The following TGIF1 variants were observed in gnomAD, a reference collection of about 807,000 sequenced individuals.
TGIF1 encodes the protein homeobox protein TGIF1.
TGIF1 carries 4 observed loss-of-function variants against 19.3 expected under a neutral mutation model. That is an observed-to-expected ratio of 0.21 (90% CI 0.10 to 0.47). The LOEUF (loss-of-function observed/expected upper bound fraction) is 0.47, where lower values mean the gene tolerates loss of function less well. TGIF1 is among the 20% of genes least tolerant of loss of function. TGIF1 has a pLI of 0.98. For missense variants in TGIF1, 275 were observed against 341.4 expected (o/e 0.81, Z 1.53); for synonymous variants, 122 against 129.3 (o/e 0.94, Z 0.38).
chr18:3,452,198 G>T, intron 1 of TGIF1: 1 of 1,606,914 alleles, frequency 6.2e-7, no homozygotes, highest in Non-Finnish European at 8.5e-7. Flanking sequence ...CCCCCTCTGC[G>T]CTCCTGGGGT....
chr18:3,427,602 CTT>C (rs60164860), intron 2 of TGIF1, among the ~76,000 whole-genome samples: 21 of 137,278 alleles, frequency 1.5e-4, no homozygotes, highest in Admixed American at 2.2e-4. Context: ...AGAATATATT[CTT>C]TTTTTTTTTT....
intron 1 of TGIF1, among the ~76,000 whole-genome samples, chr18:3,453,412 C>T (rs114055868): frequency 2.6e-3 from 398 of 152,132 alleles, no homozygotes; most frequent in African/African-American, 9.2e-3. Flanking sequence ...CAGGGCTGGG[C>T]GCGGTGGTTC....
rs950020581 is a variant in TGIF1, at chr18:3,450,613, C to G, written c.16+108C>G. On this transcript the variant is annotated intron_variant, in intron 1 of 2. Coordinates refer to ENST00000343820, the MANE Select transcript of TGIF1 (RefSeq NM_003244.4). ...TGGTGGACTTTTCCGCCCAGGGGCT[C>G]TCATGCTGGAGTGGCGGCCGTGCTC... The G allele has an allele frequency of 9.5e-5, 146 of 1,543,088 alleles. 1 individual carries two copies. Among genetic ancestry groups the G allele is most frequent in the Admixed American group, 3.1e-4 (16 of 50,868 alleles).
At chr18:3,452,294 C>T (rs2082987166) in intron 1 of TGIF1, 3 of 1,612,050 alleles carry the variant, frequency 1.9e-6, no homozygotes, top group Non-Finnish European at 2.5e-6. Flanking sequence ...CTGGGCCCCG[C>T]CGGCCGCATC....
Position 3,456,516 on chromosome 18 carries a change from A to G in TGIF1, c.179A>G (p.Asn60Ser). The G allele has an allele frequency of 1.2e-6, 2 of 1,614,242 alleles. No homozygotes were observed. The highest frequency in any genetic ancestry group is 8.5e-7 in the Non-Finnish European group (1 of 1,180,044). ...LRDWLYEHRYNAYPSEQEKAL... is the reference protein window; with the variant it reads ...LRDWLYEHRYSAYPSEQEKAL... ...GATTGGCTGTATGAGCACCGTTACA[A>G]TGCCTATCCTTCAGAGCAAGAAAAA... is the stretch of plus-strand genomic sequence containing the variant. The change falls in exon 2 of 3, where the codon AAT becomes AGT. Residue 60 changes from asparagine to serine, a missense_variant. Asn to Ser is a conservative substitution (Grantham distance 46, BLOSUM62 1). Transcript: ENST00000343820. The surrounding 1 kb of genome is among the most constrained non-coding windows in gnomAD (Gnocchi z 4.2).
chr18:3,440,759 A>G (rs905043621), intron 2 of TGIF1, among the ~76,000 whole-genome samples: 1 of 152,198 alleles, frequency 6.6e-6, no homozygotes, highest in Non-Finnish European at 1.5e-5. Flanking sequence ...CATAGTTACA[A>G]TGGACTATTA....
At chr18:3,423,076 G>A (rs959735387) in intron 2 of TGIF1, among the ~76,000 whole-genome samples, 10 of 152,124 alleles carry the variant, frequency 6.6e-5, no homozygotes, top group Admixed American at 1.3e-4. Context: ...ATCACCTGCA[G>A]TACTCATATG....
chr18:3,445,069 G>A (rs2082722351), intron 2 of TGIF1, among the ~76,000 whole-genome samples: 1 of 152,172 alleles, frequency 6.6e-6, no homozygotes, highest in Admixed American at 6.5e-5. Flanking sequence ...GCACAGGACA[G>A]CCCCACAAGA....
rs2049436592 is a variant in TGIF1, at chr18:3,458,550, C to G, written c.*610C>G. 6.5e-6 allele frequency: 1 copy of G among 154,592 alleles called. No homozygotes were observed. The highest frequency in any genetic ancestry group is 1.4e-5 in the Non-Finnish European group (1 of 69,814). The allele number at this position is 154,592 out of a possible 1,614,324, so 9.6% of individuals were successfully genotyped here. A position where few individuals can be genotyped will look rare whatever the true frequency, so the allele number is the denominator to read the frequency against. On this transcript the variant is annotated 3_prime_UTR_variant, in exon 3 of 3. Coordinates refer to ENST00000343820, the MANE Select transcript of TGIF1 (RefSeq NM_003244.4). ...CACCAGCTCTTTGAAAACCTGTGGA[C>G]AACAAGCCAGTTTGCATAAACAGGA...
At chr18:3,428,400 A>G (rs1268831903) in intron 2 of TGIF1, among the ~76,000 whole-genome samples, 3 of 152,108 alleles carry the variant, frequency 2.0e-5, no homozygotes, top group Non-Finnish European at 4.4e-5. Flanking sequence ...TTTCATGAAC[A>G]TCATTTTTAA....
chr18:3,426,474 A>C (rs1477118639), intron 2 of TGIF1, among the ~76,000 whole-genome samples: 1 of 152,054 alleles, frequency 6.6e-6, no homozygotes, highest in East Asian at 1.9e-4. Context: ...TGGCCCAGCT[A>C]GGGTCCACTT....
chr18:3,413,825 C>T (rs1274554258), intron 1 of TGIF1, among the ~76,000 whole-genome samples: 5 of 152,096 alleles, frequency 3.3e-5, no homozygotes, highest in African/African-American at 1.2e-4. Context: ...CAAATTCATT[C>T]TATGGCTGCC....
chr18:3,433,807 T>A (rs1046362028), intron 2 of TGIF1, among the ~76,000 whole-genome samples: 5 of 152,190 alleles, frequency 3.3e-5, no homozygotes, highest in Admixed American at 6.6e-5. Context: ...TGGATAGTCA[T>A]GATGGTTGCA....
chr18:3,451,440 G>A lies in TGIF1; in HGVS notation c.16+935G>A. The A allele has an allele frequency of 1.0e-6, 1 of 985,470 alleles. No homozygotes were observed. Among genetic ancestry groups the A allele is most frequent in the Non-Finnish European group, 1.2e-6 (1 of 829,944 alleles). The allele number at this position is 985,470 out of a possible 1,614,324, so 61.0% of individuals were successfully genotyped here. Reference sequence around the variant, plus strand: ...TAACAAAAATTGAGTCCCTGGCTGGGAGGTCCCCCGAGTGTTCCGCTGTGG... The same window carrying A: ...TAACAAAAATTGAGTCCCTGGCTGGAAGGTCCCCCGAGTGTTCCGCTGTGG... On this transcript the variant is annotated intron_variant, in intron 1 of 2. Coordinates refer to ENST00000343820, the MANE Select transcript of TGIF1 (RefSeq NM_003244.4). The surrounding 1 kb of genome is among the most constrained non-coding windows in gnomAD (Gnocchi z 5.4).
chr18:3,445,424 A>G (rs965715255), upstream of TGIF1, among the ~76,000 whole-genome samples: 6 of 152,120 alleles, frequency 3.9e-5, no homozygotes, highest in African/African-American at 1.4e-4. Flanking sequence ...CTTTTTTTGT[A>G]GTTAAAAAAT....
upstream of TGIF1, among the ~76,000 whole-genome samples, chr18:3,445,616 C>A (rs1165909171): frequency 2.8e-5 from 4 of 143,358 alleles, no homozygotes; most frequent in Non-Finnish European, 4.5e-5. Context: ...CCCAGCTACT[C>A]GGGAGGCTGA....
At chr18:3,430,139 A>T (rs1320498716) in intron 2 of TGIF1, among the ~76,000 whole-genome samples, 1 of 152,222 alleles carries the variant, frequency 6.6e-6, no homozygotes, top group African/African-American at 2.4e-5. Flanking sequence ...TGGGTGACAG[A>T]GTAAGACTGT....
intron 2 of TGIF1, among the ~76,000 whole-genome samples, chr18:3,421,493 A>G (rs980964186): frequency 3.3e-5 from 5 of 151,174 alleles, no homozygotes; most frequent in Admixed American, 6.6e-5. Flanking sequence ...GCTCACCGCA[A>G]CTTCCACCTC....
At chr18:3,434,818 T>C (rs1396364449) in intron 2 of TGIF1, among the ~76,000 whole-genome samples, 1 of 152,202 alleles carries the variant, frequency 6.6e-6, no homozygotes, top group Non-Finnish European at 1.5e-5. Flanking sequence ...TTCCCAAGCA[T>C]GTTTGGTGAC....
Sources: gnomAD v4.1 joint callset for allele counts (sites outside exome capture counted in the v4.1 genomes callset) on GRCh38, gnomAD v4.1.1 for gene constraint, Gnocchi (gnomAD v3.1) non-coding constraint, MANE v1.5 for transcripts, NCBI Gene and HGNC (gene_info 2026-07-23, HGNC 2026-07-21) for gene names.